Variants in CCNY observed in about 807,000 individuals in gnomAD.
The protein encoded by CCNY is cyclin Y, also known as cyclin-Y.
A neutral mutation model predicts 42.8 loss-of-function variants in CCNY; 19 were observed. The observed-to-expected ratio is 0.44, with a 90% CI of 0.31 to 0.65. CCNY has a LOEUF of 0.65. CCNY is among the 30% of genes least tolerant of loss of function. CCNY has a pLI of 0.07. For missense variants in CCNY, 370 were observed against 437.3 expected (o/e 0.85, Z 1.37); for synonymous variants, 165 against 162.7 (o/e 1.01, Z -0.11).
chr10:35,365,823 C>T (rs1048230674), intron 1 of CCNY, among the ~76,000 whole-genome samples: 1 of 152,154 alleles, frequency 6.6e-6, no homozygotes, highest in Non-Finnish European at 1.5e-5. Context: ...CACAGTTCTT[C>T]TGTTATCTGA....
At chr10:35,491,799 G>A (rs1839903117) in intron 2 of CCNY, among the ~76,000 whole-genome samples, 1 of 152,012 alleles carries the variant, frequency 6.6e-6, no homozygotes, top group South Asian at 2.1e-4. Context: ...ATTTTTAGTA[G>A]AGATGGGGTT....
intron 1 of CCNY, among the ~76,000 whole-genome samples, chr10:35,343,288 C>T (rs899311285): frequency 6.6e-6 from 1 of 151,388 alleles, no homozygotes; most frequent in Non-Finnish European, 1.5e-5. Context: ...TGCGCCCAGT[C>T]TCCTGCCTGC....
chr10:35,436,126 A>T lies in CCNY; in HGVS notation c.155-47278A>T, dbSNP rs200074912. On this transcript the variant is annotated intron_variant, in intron 1 of 9. Transcript: ENST00000374704. ...AGCAGCAGCAGCCAGGCCATGGGGAAGTGTGACATGGGGACTGGGCAAGGC... is the reference window on the plus strand; with the variant it reads ...AGCAGCAGCAGCCAGGCCATGGGGATGTGTGACATGGGGACTGGGCAAGGC... Among the ~76,000 whole-genome samples, 7 of 152,182 alleles carry T rather than the reference A, an allele frequency of 4.6e-5. No individual in the cohort carries two copies. The East Asian group carries it at 1.4e-3, about 29-fold the overall frequency.
intron 1 of CCNY, among the ~76,000 whole-genome samples, chr10:35,474,266 C>A (rs555799768): frequency 1.5e-4 from 23 of 152,346 alleles, no homozygotes; most frequent in Non-Finnish European, 2.9e-4. Context: ...ACACAGCAGC[C>A]TGGAAGCTCG....
At chr10:35,457,884 C>A (rs963725962) in intron 1 of CCNY, among the ~76,000 whole-genome samples, 1 of 152,144 alleles carries the variant, frequency 6.6e-6, no homozygotes, top group African/African-American at 2.4e-5. Context: ...CCAGCCCATA[C>A]TTGTATTTTT....
At chr10:35,526,927 T>C (rs1218623271) in intron 5 of CCNY, among the ~76,000 whole-genome samples, 1 of 152,158 alleles carries the variant, frequency 6.6e-6, no homozygotes, top group Non-Finnish European at 1.5e-5. Flanking sequence ...TGTGAACTAG[T>C]TTGGGAACAA....
chr10:35,458,108 G>A (rs188178538), intron 1 of CCNY, among the ~76,000 whole-genome samples: 1 of 152,244 alleles, frequency 6.6e-6, no homozygotes, highest in South Asian at 2.1e-4. Context: ...GGGGGAAAAA[G>A]TGGTGTTTTG....
intron 1 of CCNY, chr10:35,455,210 A>G (rs1839002626): frequency 1.3e-5 from 2 of 152,234 alleles, no homozygotes; most frequent in Non-Finnish European, 2.9e-5. Context: ...TGGAGCTTAA[A>G]AATAGAAAAT....
At chr10:35,542,202 T>G (rs1841016299) in intron 7 of CCNY, among the ~76,000 whole-genome samples, 1 of 150,426 alleles carries the variant, frequency 6.6e-6, no homozygotes, top group African/African-American at 2.5e-5. Flanking sequence ...TCTTGACAGT[T>G]TTGAGGAGTG....
At chr10:35,471,340 T>A (rs1423607072) in intron 1 of CCNY, among the ~76,000 whole-genome samples, 1 of 152,242 alleles carries the variant, frequency 6.6e-6, no homozygotes, top group African/African-American at 2.4e-5. Context: ...TAGGTCTTAC[T>A]GTGCTTTTCT....
In CCNY at chr10:35,426,109, GCGCACACACACACACACACACA is replaced by G. The variant is rs1219898211; in HGVS notation, c.155-57293_155-57272del. On this transcript the variant is annotated intron_variant, in intron 1 of 9. Coordinates refer to ENST00000374704, the MANE Select transcript of CCNY (RefSeq NM_145012.6). ...TCTTCTCCCTTCACTGGTCCAGCACGCGCACACACACACACACACACACACACACACACACACACACACACAC... is the reference window on the plus strand; with the variant it reads ...TCTTCTCCCTTCACTGGTCCAGCACGCACACACACACACACACACACACAC... 1.3e-4 allele frequency among the ~76,000 whole-genome samples: 14 copies of G among 111,768 alleles called. No homozygotes were observed. In the South Asian group the frequency reaches 1.3e-3, roughly 11 times the overall value. The allele number at this position is 111,768 out of a possible 152,430, so 73.3% of individuals were successfully genotyped here.
chr10:35,388,685 C>A (rs1261189049), intron 1 of CCNY, among the ~76,000 whole-genome samples: 9 of 152,220 alleles, frequency 5.9e-5, no homozygotes, highest in African/African-American at 2.2e-4. Flanking sequence ...GCTGCCACAA[C>A]AAATTGCTAT....
intron 1 of CCNY, among the ~76,000 whole-genome samples, chr10:35,378,446 T>G (rs1837102451): frequency 6.6e-6 from 1 of 152,088 alleles, no homozygotes; most frequent in South Asian, 2.1e-4. Flanking sequence ...TGGGAGAATT[T>G]GTGAGAATAG....
upstream of CCNY, among the ~76,000 whole-genome samples, chr10:35,334,725 G>C (rs202135250): frequency 2.0e-5 from 3 of 152,142 alleles, no homozygotes; most frequent in East Asian, 3.8e-4. Flanking sequence ...AGCATGGAGC[G>C]TTTAAAATAT....
At chr10:35,354,988 A>G (rs937197289) in intron 1 of CCNY, among the ~76,000 whole-genome samples, 2 of 152,274 alleles carry the variant, frequency 1.3e-5, no homozygotes, top group East Asian at 1.9e-4. Context: ...TGGCCACCCC[A>G]GTGGTTCTAG....
In CCNY at chr10:35,260,794, G is replaced by A. The variant is rs527705165; in HGVS notation, c.-9+10168G>A. Among the ~76,000 whole-genome samples the A allele has an allele frequency of 5.9e-5, 9 of 152,302 alleles. No individual in the cohort carries two copies. The South Asian group carries it at 6.2e-4, about 11-fold the overall frequency. On this transcript the variant is annotated intron_variant, in intron 3 of 11. Transcript: ENST00000374706. ...AAGCTGATAGTTCCATTTAAAGATC[G>A]TGGCAGTTCCTGCAAGGCTTGGTGT...
At chr10:35,277,923 C>A (rs889029501) in intron 3 of CCNY, among the ~76,000 whole-genome samples, 1 of 152,064 alleles carries the variant, frequency 6.6e-6, no homozygotes, top group African/African-American at 2.4e-5. Context: ...AAAGGCCACG[C>A]AATGAGTTCA....
At chr10:35,247,831 G>A (rs1344594958) in intron 1 of CCNY, among the ~76,000 whole-genome samples, 7 of 138,806 alleles carry the variant, frequency 5.0e-5, no homozygotes, top group Non-Finnish European at 6.0e-5. Flanking sequence ...AGCAGAGATC[G>A]CGCCACTGCA....
intron 1 of CCNY, among the ~76,000 whole-genome samples, chr10:35,465,088 C>T (rs540214295): frequency 2.0e-4 from 31 of 152,248 alleles, no homozygotes; most frequent in African/African-American, 5.8e-4. Flanking sequence ...AATGGTTGGT[C>T]CTTGCCAGTT....
Sources: gnomAD v4.1 joint callset for allele counts (sites outside exome capture counted in the v4.1 genomes callset) on GRCh38, gnomAD v4.1.1 for gene constraint, MANE v1.5 for transcripts, NCBI Gene and HGNC (gene_info 2026-07-23, HGNC 2026-07-21) for gene names.